POR: variants seen among roughly 807,000 people sequenced by gnomAD.
POR encodes the protein cytochrome p450 oxidoreductase, also known as NADPH--cytochrome P450 reductase.
A neutral mutation model predicts 84.0 loss-of-function variants in POR; 56 were observed. That is an observed-to-expected ratio of 0.67 (90% CI 0.54 to 0.83). The LOEUF is 0.83. POR is among the 40% of genes least tolerant of loss of function. The probability of loss-of-function intolerance (pLI) is 0.00; values close to 1 mark genes in which losing one functional copy is unlikely to be tolerated. For synonymous variants in POR, 414 were observed against 400.5 expected (o/e 1.03, Z -0.40); for missense variants, 938 against 944.3 (o/e 0.99, Z 0.09).
intron 8 of POR, among the ~76,000 whole-genome samples, chr7:75,982,756 T>C (rs782546334): frequency 5.9e-5 from 9 of 152,228 alleles, no homozygotes; most frequent in Non-Finnish European, 7.3e-5. Context: ...CTCGTGCCAC[T>C]GCATCCAAGA....
At chr7:75,967,120 G>A (rs1480111979) in intron 2 of POR, among the ~76,000 whole-genome samples, 1 of 152,088 alleles carries the variant, frequency 6.6e-6, no homozygotes, top group African/African-American at 2.4e-5. Flanking sequence ...GATCACAGAC[G>A]CACACCTCTA....
chr7:75,929,620 G>T (rs781808689), intron 1 of POR, among the ~76,000 whole-genome samples: 1 of 152,140 alleles, frequency 6.6e-6, no homozygotes, highest in African/African-American at 2.4e-5. Flanking sequence ...CGCAAGCAAC[G>T]CTGGGGAAGG....
chr7:75,919,042 A>G (rs1357380785), intron 1 of POR, among the ~76,000 whole-genome samples: 1 of 150,042 alleles, frequency 6.7e-6, no homozygotes, highest in Non-Finnish European at 1.5e-5. Flanking sequence ...TCTGTCACCC[A>G]GGCTGGAGTG....
intron 1 of POR, among the ~76,000 whole-genome samples, chr7:75,930,460 C>G (rs1032524184): frequency 6.6e-6 from 1 of 151,932 alleles, no homozygotes; most frequent in Admixed American, 6.6e-5. Context: ...CCAGCCTGGA[C>G]AACAGAGCAA....
chr7:75,982,944 G>A lies in POR; in HGVS notation c.831-576G>A, dbSNP rs942459036. Among the ~76,000 whole-genome samples, 14 of 152,226 alleles carry A rather than the reference G, an allele frequency of 9.2e-5. No individual in the cohort carries two copies. In the South Asian group the frequency reaches 1.0e-3, roughly 11 times the overall value. Reference sequence around the variant, plus strand: ...CAGCCACCTTCCAGCCTGTGGCACCGTCAGCTTGGGCCTCACAGTTCTTTT... The same window carrying A: ...CAGCCACCTTCCAGCCTGTGGCACCATCAGCTTGGGCCTCACAGTTCTTTT... On this transcript the variant is annotated intron_variant, in intron 8 of 15. Coordinates refer to ENST00000461988, the MANE Select transcript of POR (RefSeq NM_000941.3).
At chr7:75,917,832 C>A (rs1365680800) in intron 1 of POR, among the ~76,000 whole-genome samples, 1 of 152,110 alleles carries the variant, frequency 6.6e-6, no homozygotes, top group Non-Finnish European at 1.5e-5. Flanking sequence ...CATTAGCACA[C>A]AGCCTCCCAG....
chr7:75,951,433 A>C (rs1429849936), intron 1 of POR, among the ~76,000 whole-genome samples: 1 of 152,156 alleles, frequency 6.6e-6, no homozygotes, highest in Non-Finnish European at 1.5e-5. Context: ...AGCTAAATTG[A>C]GATGAACTCA....
intron 7 of POR, 66 bp downstream of exon 7, chr7:75,981,672 G>A: frequency 2.2e-6 from 3 of 1,364,006 alleles, no homozygotes; most frequent in Non-Finnish European, 3.1e-6. Flanking sequence ...CAGCCACCCT[G>A]GAACAAGGGC....
intron 1 of POR, among the ~76,000 whole-genome samples, chr7:75,926,768 A>G (rs1368525824): frequency 6.6e-6 from 1 of 152,142 alleles, no homozygotes; most frequent in African/African-American, 2.4e-5. Flanking sequence ...CATTCCATCC[A>G]GCCTGGGCAA....
chr7:75,934,522 G>A (rs1318869332), intron 1 of POR, among the ~76,000 whole-genome samples: 10 of 152,192 alleles, frequency 6.6e-5, no homozygotes, highest in Admixed American at 5.9e-4. Context: ...GCAACCGCTT[G>A]CTAGAGCGAT....
chr7:75,980,806 C>T, intron 5 of POR: 1 of 1,284,578 alleles, frequency 7.8e-7, no homozygotes, highest in African/African-American at 1.5e-5. Flanking sequence ...GTGGGCTGGC[C>T]CCGCTTCCCT....
intron 2 of POR, among the ~76,000 whole-genome samples, chr7:75,960,692 GTGCCCTC>G (rs1363268331): frequency 5.9e-5 from 9 of 152,094 alleles, no homozygotes; most frequent in Non-Finnish European, 1.3e-4. Context: ...ACCGCATGGC[GTGCCCTC>G]TTGGTGATGG....
chr7:75,934,947 G>C (rs1554550613), intron 1 of POR, among the ~76,000 whole-genome samples: 2 of 152,198 alleles, frequency 1.3e-5, no homozygotes, highest in African/African-American at 4.8e-5. Flanking sequence ...TGGTAGGAGA[G>C]GAATGTGGGA....
intron 1 of POR, among the ~76,000 whole-genome samples, chr7:75,922,162 C>T (rs1186590374): frequency 2.0e-5 from 3 of 152,080 alleles, no homozygotes; most frequent in Non-Finnish European, 4.4e-5. Flanking sequence ...ATCATTTCTG[C>T]GAGTGTAAGC....
At chr7:75,938,012 C>G (rs1807781790) in intron 1 of POR, among the ~76,000 whole-genome samples, 1 of 152,204 alleles carries the variant, frequency 6.6e-6, no homozygotes, top group Admixed American at 6.5e-5. Context: ...GCACGGGGAG[C>G]TGCAGCTGCA....
Position 75,986,754 on chromosome 7 carries a change from TTC to T in POR, c.*279_*280del, listed in dbSNP as rs1437578437. 1 of 579,892 alleles carries T rather than the reference TTC, an allele frequency of 1.7e-6. No homozygotes were observed. The highest frequency in any genetic ancestry group is 3.1e-6 in the Non-Finnish European group (1 of 327,512). The allele number at this position is 579,892 out of a possible 1,614,324, so 35.9% of individuals were successfully genotyped here. A position where few individuals can be genotyped will look rare whatever the true frequency, so the allele number is the denominator to read the frequency against. On this transcript the variant is annotated 3_prime_UTR_variant, in exon 16 of 16. Coordinates refer to ENST00000461988, the MANE Select transcript of POR (RefSeq NM_000941.3). ...CTCGGTGGCTGCACAGAAGGGCTCT[TTC>T]TCTCTGCTGAGCTGGGCCCAGCCCC...
At chr7:75,978,265 C>T (rs776594083) in intron 3 of POR, among the ~76,000 whole-genome samples, 9 of 152,046 alleles carry the variant, frequency 5.9e-5, no homozygotes, top group Non-Finnish European at 1.0e-4. Context: ...TCCGTGAGTT[C>T]GGAGTTCAAG....
At chr7:75,979,954 TTGA>T (rs782021141) in intron 4 of POR, among the ~76,000 whole-genome samples, 4 of 152,172 alleles carry the variant, frequency 2.6e-5, no homozygotes, top group Non-Finnish European at 4.4e-5. Flanking sequence ...GCATTTGCAG[TTGA>T]TGAACAGTTT....
Position 75,985,265 on chromosome 7 carries a change from A to C in POR, c.1398+58A>C, listed in dbSNP as rs1170185200. ...CTGGAGGCCCAGCCCTGCTCACAGC[A>C]GGCAGAGTGCAAGGCGGCACAGGAG... On this transcript the variant is annotated intron_variant, in intron 12 of 15. Coordinates refer to ENST00000461988, the MANE Select transcript of POR (RefSeq NM_000941.3). The C allele has an allele frequency of 2.0e-6, 3 of 1,511,210 alleles. No individual in the cohort carries two copies. The Admixed American group carries it at 6.0e-5, about 30-fold the overall frequency. 93.6% of individuals were successfully genotyped at this position (1,511,210 alleles called of 1,614,324 possible). A position where few individuals can be genotyped will look rare whatever the true frequency, so the allele number is the denominator to read the frequency against.
Sources: gnomAD v4.1 joint callset for allele counts (sites outside exome capture counted in the v4.1 genomes callset) on GRCh38, gnomAD v4.1.1 for gene constraint, MANE v1.5 for transcripts, NCBI Gene and HGNC (gene_info 2026-07-23, HGNC 2026-07-21) for gene names.